The following FLOT1 variants were observed in gnomAD, a reference collection of about 807,000 sequenced individuals.
FLOT1 encodes the protein flotillin-1.
Under a neutral mutation model 58.4 loss-of-function variants are expected in FLOT1, and 40 were observed. The observed-to-expected ratio is 0.69, with a 90% CI of 0.53 to 0.89. The LOEUF (loss-of-function observed/expected upper bound fraction) is 0.89, where lower values mean the gene tolerates loss of function less well. FLOT1 is among the 40% of genes least tolerant of loss of function. The pLI is 0.00. For missense variants in FLOT1, 423 were observed against 540.8 expected (o/e 0.78, Z 2.16); for synonymous variants, 178 against 204.2 (o/e 0.87, Z 1.09).
Position 30,737,799 on chromosome 6 carries a change from A to G in FLOT1, c.723+2359T>C, listed in dbSNP as rs756478210. Among the ~76,000 whole-genome samples, 6 of 152,174 alleles carry G rather than the reference A, an allele frequency of 3.9e-5. No homozygotes were observed. Among genetic ancestry groups the G allele is most frequent in the Admixed American group, 6.5e-5 (1 of 15,274 alleles). ...TGGGAAGGTCATTTACTTGCTTACT[A>G]GCTGTTTCCTGTGTCATAATGTAAG... On this transcript the variant is annotated intron_variant, in intron 8 of 12. Coordinates refer to ENST00000376389, the MANE Select transcript of FLOT1 (RefSeq NM_005803.4). The surrounding 1 kb of genome is among the most constrained non-coding windows in gnomAD (Gnocchi z 4.4).
At position 30,730,174 on chromosome 6, in the gene FLOT1, TCTC is replaced by T; in HGVS notation, c.1099_1101del (p.Glu367del). On this transcript the variant is annotated inframe_deletion, in exon 12 of 13. Coordinates refer to ENST00000376389, the MANE Select transcript of FLOT1 (RefSeq NM_005803.4). ...TTGGCTGAAGTCAAGGGACCACTGA[TCTC>T]CTCTGCCACCTGGCAGGAGAGAGAC... 6.2e-7 allele frequency: 1 copy of T among 1,613,008 alleles called. No individual in the cohort carries two copies. The highest frequency in any genetic ancestry group is 8.5e-7 in the Non-Finnish European group (1 of 1,179,996).
chr6:30,740,101 T>G (rs1032663747), intron 8 of FLOT1, 57 bp downstream of exon 8: 2 of 1,552,814 alleles, frequency 1.3e-6, no homozygotes, highest in Non-Finnish European at 1.8e-6. Flanking sequence ...TGTCCTGAGA[T>G]GGACAGCCTG....
chr6:30,728,137 GTGA>G lies in FLOT1; in HGVS notation c.1260_1262del (p.His421del). 6.2e-7 allele frequency: 1 copy of G among 1,613,010 alleles called. No individual in the cohort carries two copies. The highest frequency in any genetic ancestry group is 8.5e-7 in the Non-Finnish European group (1 of 1,179,970). ...AGGCTCAGGCTGTTCTCAAAGGCTT[GTGA>G]TTCACCTGGCAAAAAGACAACAGTA... is the stretch of plus-strand genomic sequence containing the variant. On this transcript the variant is annotated inframe_deletion, in exon 13 of 13. Transcript: ENST00000376389.
At chr6:30,739,110 A>G (rs1470994206) in intron 8 of FLOT1, among the ~76,000 whole-genome samples, 1 of 152,246 alleles carries the variant, frequency 6.6e-6, no homozygotes, top group African/African-American at 2.4e-5. Context: ...GCAGGATTCA[A>G]TGTCCAAGTC....
chr6:30,740,831 TAAG>T (rs1408322031), intron 5 of FLOT1, 33 bp from the exon 6 acceptor site: 1 of 1,510,592 alleles, frequency 6.6e-7, no homozygotes, highest in Non-Finnish European at 8.9e-7. Flanking sequence ...AGAAGGGATG[TAAG>T]TTTTTTTTTT....
intron 12 of FLOT1, among the ~76,000 whole-genome samples, chr6:30,729,118 A>C (rs1776965711): frequency 6.7e-6 from 1 of 148,846 alleles, no homozygotes; most frequent in Admixed American, 6.7e-5. Flanking sequence ...TCTGTCACCC[A>C]GGCTGGAGTG....
Position 30,741,869 on chromosome 6 carries a change from T to G in FLOT1, c.44-2A>C. On this transcript the variant is annotated splice_acceptor_variant, in intron 2 of 12. Coordinates refer to ENST00000376389, the MANE Select transcript of FLOT1 (RefSeq NM_005803.4). LOFTEE classifies it high-confidence loss of function. This position sits in a 1 kb window ranked among gnomAD's most constrained non-coding sequence, Gnocchi z 5.9. ...TGACTGGGGGGCTTCGGCAGAACCCTGCAAGGTGTGGGGCAGTGAGGAACG... is the reference window on the plus strand; with the variant it reads ...TGACTGGGGGGCTTCGGCAGAACCCGGCAAGGTGTGGGGCAGTGAGGAACG... 6.2e-7 allele frequency: 1 copy of G among 1,612,174 alleles called. No individual in the cohort carries two copies. Among genetic ancestry groups the G allele is most frequent in the Non-Finnish European group, 8.5e-7 (1 of 1,179,880 alleles).
rs551098944 is a variant in FLOT1, at chr6:30,728,839, T to C, written c.1255-694A>G. ...CTCTGTTGCCTAGGATGGAGTGCAG[T>C]GGTGCTATCTCGGCTCACTGCAAGC... On this transcript the variant is annotated intron_variant, in intron 12 of 12. Transcript: ENST00000376389. Among the ~76,000 whole-genome samples, 387 of 151,822 alleles carry C rather than the reference T, an allele frequency of 2.5e-3. 3 individuals are homozygous for C. Among genetic ancestry groups the C allele is most frequent in the Admixed American group, 4.5e-3 (68 of 15,220 alleles).
rs1778088454 is a variant in FLOT1, at chr6:30,742,550, C to T, written c.-38G>A. 4 of 294,638 alleles carry T rather than the reference C, an allele frequency of 1.4e-5. No individual in the cohort carries two copies. The highest frequency in any genetic ancestry group is 2.6e-5 in the Non-Finnish European group (4 of 155,344). The allele number at this position is 294,638 out of a possible 1,614,324, so 18.3% of individuals were successfully genotyped here. On this transcript the variant is annotated 5_prime_UTR_variant, in exon 1 of 13. Coordinates refer to ENST00000376389, the MANE Select transcript of FLOT1 (RefSeq NM_005803.4). This position sits in a 1 kb window ranked among gnomAD's most constrained non-coding sequence, Gnocchi z 5.2. Reference sequence around the variant, plus strand: ...ACCTTCCGGGACGCGGGCGGCAGCCCGGCTGGGGTCTCGGGAAGGGCGGGG... The same window carrying T: ...ACCTTCCGGGACGCGGGCGGCAGCCTGGCTGGGGTCTCGGGAAGGGCGGGG...
chr6:30,740,626 G>A lies in FLOT1; in HGVS notation c.475-35C>T, dbSNP rs749780693. ...AGATGTAGAAATTAGTCCTTTGGAGGGCTTAAGAGATGGGAGCAAGGAAGT... is the reference window on the plus strand; with the variant it reads ...AGATGTAGAAATTAGTCCTTTGGAGAGCTTAAGAGATGGGAGCAAGGAAGT... On this transcript the variant is annotated intron_variant, in intron 6 of 12. Transcript: ENST00000376389. 55 of 1,612,810 alleles carry A rather than the reference G, an allele frequency of 3.4e-5. No homozygotes were observed. The South Asian group carries it at 4.4e-4, about 13-fold the overall frequency.
chr6:30,741,459 G>T lies in FLOT1; in HGVS notation c.211-126C>A. ...ATTTCAGGGAAAGAAAGGAGGAGGA[G>T]GCAAGTGCCTTGGGGTGCCTGGAAA... is the stretch of plus-strand genomic sequence containing the variant. On this transcript the variant is annotated intron_variant, in intron 4 of 12. Transcript: ENST00000376389. The surrounding 1 kb of genome is among the most constrained non-coding windows in gnomAD (Gnocchi z 5.9). The T allele has an allele frequency of 1.4e-6, 2 of 1,380,258 alleles. No homozygotes were observed. Among genetic ancestry groups the T allele is most frequent in the Non-Finnish European group, 1.0e-6 (1 of 984,908 alleles). The allele number at this position is 1,380,258 out of a possible 1,614,324, so 85.5% of individuals were successfully genotyped here. A position where few individuals can be genotyped will look rare whatever the true frequency, so the allele number is the denominator to read the frequency against.
At chr6:30,736,008 T>C (rs1777537925) in intron 8 of FLOT1, among the ~76,000 whole-genome samples, 1 of 152,046 alleles carries the variant, frequency 6.6e-6, no homozygotes, top group Admixed American at 6.6e-5. Flanking sequence ...CCTAGCATTT[T>C]GGGAGGCTGA....
At position 30,737,217 on chromosome 6, in the gene FLOT1, C is replaced by T. The variant is rs561055692; in HGVS notation, c.723+2941G>A. Among the ~76,000 whole-genome samples the T allele has an allele frequency of 8.7e-5, 7 of 80,806 alleles. No homozygotes were observed. In the East Asian group the frequency reaches 1.6e-3, roughly 18 times the overall value. 53.0% of individuals were successfully genotyped at this position (80,806 alleles called of 152,430 possible). On this transcript the variant is annotated intron_variant, in intron 8 of 12. Coordinates refer to ENST00000376389, the MANE Select transcript of FLOT1 (RefSeq NM_005803.4). The surrounding 1 kb of genome is among the most constrained non-coding windows in gnomAD (Gnocchi z 4.4). ...ACTGACTGACTGTCTGTCGTCCGTC[C>T]GTCCGTCCGTCCGTCCGTCCGTCCG...
Position 30,730,512 on chromosome 6 carries a change from A to T in FLOT1, c.1005T>A (p.Ala335=). ...CTTCTGCCTTCTTGGCCATCTGCTC[A>T]GCCTCGGCTCGGGCTCGGGCCCCTA... is the stretch of plus-strand genomic sequence containing the variant. ...FAIGARARAE[A]EQMAKKAEAF... The change falls in exon 11 of 13, where the codon GCT becomes GCA. Residue 335 remains alanine, a synonymous_variant. Transcript: ENST00000376389. 6.2e-7 allele frequency: 1 copy of T among 1,610,390 alleles called. No homozygotes were observed. The highest frequency in any genetic ancestry group is 8.5e-7 in the Non-Finnish European group (1 of 1,177,060).
intron 8 of FLOT1, among the ~76,000 whole-genome samples, chr6:30,733,381 A>G (rs1035503631): frequency 6.6e-6 from 1 of 152,168 alleles, no homozygotes; most frequent in African/African-American, 2.4e-5. Context: ...GCAGGCTGCT[A>G]TGTTGGGATT....
chr6:30,740,571 C>T lies in FLOT1; in HGVS notation c.495G>A (p.Gly165=). ...HDDQDYLHSL[G]KARTAQVQKD... ...TTTGGACTTGAGCTGTTCGAGCCTT[C>T]CCCAAAGAGTGCAAATAGTCCTGTG... Residue 165 remains glycine (G), a synonymous_variant, in exon 7 of 13, where the codon GGG becomes GGA. Transcript: ENST00000376389. 1 of 1,613,020 alleles carries T rather than the reference C, an allele frequency of 6.2e-7. No homozygotes were observed. Among genetic ancestry groups the T allele is most frequent in the South Asian group, 1.1e-5 (1 of 91,080 alleles).
chr6:30,730,691 C>T lies in FLOT1; in HGVS notation c.942G>A (p.Ala314=). The change falls in exon 10 of 13, where the codon GCG becomes GCA. Residue 314 remains alanine, a synonymous_variant. Coordinates refer to ENST00000376389, the MANE Select transcript of FLOT1 (RefSeq NM_005803.4). The part of the protein sequence containing the change: ...QLIMQAEAEA[A]SVRMRGEAEA... Reference sequence around the variant, plus strand: ...CTGCCTCTTAACTCACCCGCACAGACGCGGCTTCTGCCTCCGCCTGCATAA... The same window carrying T: ...CTGCCTCTTAACTCACCCGCACAGATGCGGCTTCTGCCTCCGCCTGCATAA... 1 of 1,613,540 alleles carries T rather than the reference C, an allele frequency of 6.2e-7. No homozygotes were observed. The highest frequency in any genetic ancestry group is 8.5e-7 in the Non-Finnish European group (1 of 1,180,048).
chr6:30,730,935 GGCGCTCCAGCTTGTA>G lies in FLOT1; in HGVS notation c.874_888del (p.Tyr292_Arg296del). 2 of 1,613,194 alleles carry G rather than the reference GGCGCTCCAGCTTGTA, an allele frequency of 1.2e-6. No homozygotes were observed. The highest frequency in any genetic ancestry group is 1.7e-5 in the Admixed American group (1 of 59,970). On this transcript the variant is annotated inframe_deletion, in exon 9 of 13. Coordinates refer to ENST00000376389, the MANE Select transcript of FLOT1 (RefSeq NM_005803.4). ...GACATTTACTTCTCTGCCTCGGCTA[GGCGCTCCAGCTTGTA>G]GCGCTCCGCTTCCGCTGGCTTCCGC...
chr6:30,732,497 T>C (rs9968960), intron 8 of FLOT1, among the ~76,000 whole-genome samples: 11,239 of 152,030 alleles, frequency 0.074, 674 homozygotes, highest in African/African-American at 0.16. Flanking sequence ...GGACTACAGG[T>C]GTGAACCAGC....
Sources: allele counts gnomAD v4.1 joint callset (sites outside exome capture counted in the v4.1 genomes callset), GRCh38; gene constraint gnomAD v4.1.1; non-coding constraint Gnocchi (gnomAD v3.1); transcripts MANE v1.5; gene names NCBI Gene and HGNC (gene_info 2026-07-23, HGNC 2026-07-21).